The following AXL variants were observed in gnomAD, a reference collection of about 807,000 sequenced individuals.
AXL encodes the protein AXL receptor tyrosine kinase.
In AXL, 52 loss-of-function variants were observed where a neutral mutation model predicts 104.5. That is an observed-to-expected ratio of 0.50 (90% CI 0.40 to 0.63). The LOEUF is 0.63. AXL is among the 20% of genes least tolerant of loss of function. The pLI is 0.00. For missense variants in AXL, 1,024 were observed against 1,188.5 expected (o/e 0.86, Z 2.04); for synonymous variants, 455 against 473.7 (o/e 0.96, Z 0.51).
At chr19:41,244,934 ATTT>A (rs34355478) in intron 12 of AXL, among the ~76,000 whole-genome samples, 3 of 141,336 alleles carry the variant, frequency 2.1e-5, no homozygotes, top group Admixed American at 1.4e-4. Context: ...AGTCTATACT[ATTT>A]TTTTTTTTTT....
intron 12 of AXL, among the ~76,000 whole-genome samples, chr19:41,247,489 A>G (rs910101842): frequency 6.6e-6 from 1 of 152,104 alleles, no homozygotes; most frequent in Non-Finnish European, 1.5e-5. Flanking sequence ...GGCAACAGGA[A>G]CGAAACTCCA....
chr19:41,226,188 C>T (rs900151286), intron 4 of AXL, among the ~76,000 whole-genome samples: 4 of 152,136 alleles, frequency 2.6e-5, no homozygotes, highest in African/African-American at 9.7e-5. Context: ...GGAGGTGCCC[C>T]CGGTGACTCA....
intron 4 of AXL, among the ~76,000 whole-genome samples, chr19:41,222,664 T>G (rs989488245): frequency 6.6e-6 from 1 of 151,704 alleles, no homozygotes; most frequent in Non-Finnish European, 1.5e-5. Flanking sequence ...CCCAGCACTT[T>G]GGGAGGCTGA....
intron 4 of AXL, among the ~76,000 whole-genome samples, chr19:41,230,392 A>T (rs2033958969): frequency 7.2e-6 from 1 of 139,734 alleles, no homozygotes; most frequent in African/African-American, 2.7e-5. Flanking sequence ...TGTGTGTATG[A>T]GTGTGTGTCT....
At chr19:41,249,672 C>T (rs2034329589) in intron 14 of AXL, among the ~76,000 whole-genome samples, 1 of 151,932 alleles carries the variant, frequency 6.6e-6, no homozygotes, top group Admixed American at 6.6e-5. Flanking sequence ...AGGAGAATCG[C>T]TTGAACCTCA....
Position 41,253,735 on chromosome 19 carries a change from C to G in AXL, c.2036+27C>G, listed in dbSNP as rs199786659. On this transcript the variant is annotated intron_variant, in intron 17 of 19. Coordinates refer to ENST00000301178, the MANE Select transcript of AXL (RefSeq NM_021913.5). The stretch of plus-strand genomic sequence containing the variant: ...TGAGTGCCTTTCAGGGACCCCCCCC[C>G]CCCAACTGCTCCTGCACTCCCTGAG... The G allele has an allele frequency of 1.1e-4, 173 of 1,529,844 alleles. No individual in the cohort carries two copies. In the East Asian group the frequency reaches 2.0e-3, roughly 17 times the overall value. The allele number at this position is 1,529,844 out of a possible 1,614,324, so 94.8% of individuals were successfully genotyped here.
intron 4 of AXL, among the ~76,000 whole-genome samples, chr19:41,224,788 CTG>C (rs56885806): frequency 0.013 from 1,872 of 149,704 alleles, 46 homozygotes; most frequent in African/African-American, 0.041. Context: ...AGTCACAGAC[CTG>C]TGTGTGTGTG....
In AXL at chr19:41,239,298, G is replaced by A. The variant is rs577903200; in HGVS notation, c.1269G>A (p.Leu423=). The A allele has an allele frequency of 1.8e-5, 29 of 1,584,896 alleles. No homozygotes were observed. In the South Asian group the frequency reaches 3.1e-4, roughly 17 times the overall value. ...GACCCTGGAGCCTCCCAGTACCCCT[G>A]GAGGCCTGGCGCCCAGGTAAGTCCA... The part of the protein sequence containing the change: ...GDGPWSLPVP[L]EAWRPGQAQP... The change falls in exon 9 of 20, where the codon CTG becomes CTA. Residue 423 remains leucine (L), a synonymous_variant. Transcript: ENST00000301178.
At chr19:41,231,101 G>A (rs146774960) in intron 5 of AXL, 54 bp downstream of exon 5, 25 of 1,611,500 alleles carry the variant, frequency 1.6e-5, no homozygotes, top group East Asian at 1.1e-4. Flanking sequence ...GTTTGGGTCC[G>A]GGGTCAGAGT....
Position 41,221,040 on chromosome 19 carries a change from T to C in AXL, c.309-106T>C, listed in dbSNP as rs188929956. The C allele has an allele frequency of 1.9e-4, 230 of 1,218,306 alleles. 2 individuals carry two copies. The East Asian group carries it at 2.9e-3, about 16-fold the overall frequency. The allele number at this position is 1,218,306 out of a possible 1,614,324, so 75.5% of individuals were successfully genotyped here. A position where few individuals can be genotyped will look rare whatever the true frequency, so the allele number is the denominator to read the frequency against. ...GTTAATAATAGGACATACTTCGTGG[T>C]TGTCATGAGCTTCCAGACTGGACAC... On this transcript the variant is annotated intron_variant, in intron 2 of 19. Coordinates refer to ENST00000301178, the MANE Select transcript of AXL (RefSeq NM_021913.5).
At chr19:41,239,568 C>T in intron 9 of AXL, 126 bp from the exon 10 acceptor site, 2 of 1,331,134 alleles carry the variant, frequency 1.5e-6, no homozygotes, top group Non-Finnish European at 1.1e-6. Flanking sequence ...CCGTGCCAAA[C>T]CTTCACTCCC....
rs533084444 is a variant in AXL, at chr19:41,237,906, C to T, written c.784-38C>T. 7 of 1,587,474 alleles carry T rather than the reference C, an allele frequency of 4.4e-6. No homozygotes were observed. In the South Asian group the frequency reaches 6.6e-5, roughly 15 times the overall value. On this transcript the variant is annotated intron_variant, in intron 6 of 19. Transcript: ENST00000301178. ...GCTGTGTGACCATCTCGTGTGATTG[C>T]TTGGCTGTCCCGTCCTCACACCCTT...
rs1174124518 is a variant in AXL at position 41,242,827 on chromosome 19, C to G, written c.1313-56C>G. The G allele has an allele frequency of 8.1e-6, 13 of 1,606,622 alleles. 1 individual carries two copies. Among genetic ancestry groups the G allele is most frequent in the Middle Eastern group, 3.3e-4 (2 of 6,056 alleles). On this transcript the variant is annotated intron_variant, in intron 10 of 19. Coordinates refer to ENST00000301178, the MANE Select transcript of AXL (RefSeq NM_021913.5). The stretch of plus-strand genomic sequence containing the variant: ...CCCTCCCACATCACCCCTTTGGGTC[C>G]CAGAGAGCTGGATCCAAGGCTTCAT...
chr19:41,233,842 C>G (rs2034036151), intron 6 of AXL, among the ~76,000 whole-genome samples: 1 of 151,734 alleles, frequency 6.6e-6, no homozygotes, highest in African/African-American at 2.4e-5. Flanking sequence ...GCACTCTACC[C>G]ACATCACCAA....
intron 14 of AXL, among the ~76,000 whole-genome samples, chr19:41,251,215 A>C (rs1364327128): frequency 6.6e-6 from 1 of 152,032 alleles, no homozygotes; most frequent in Non-Finnish European, 1.5e-5. Flanking sequence ...AGGTGGGAGG[A>C]TCACTTGAGG....
chr19:41,222,490 G>A (rs1315959420), intron 4 of AXL, among the ~76,000 whole-genome samples: 1 of 151,986 alleles, frequency 6.6e-6, no homozygotes, highest in Non-Finnish European at 1.5e-5. Flanking sequence ...CCTCTCCTCC[G>A]CCTCCCTCCA....
At chr19:41,233,146 C>T (rs776167735) in intron 6 of AXL, among the ~76,000 whole-genome samples, 4 of 151,952 alleles carry the variant, frequency 2.6e-5, no homozygotes, top group Admixed American at 6.6e-5. Context: ...CCCACCACCA[C>T]GCCCAGCTAA....
In AXL at chr19:41,219,387, G is replaced by A; in HGVS notation, c.-6G>A. The A allele has an allele frequency of 3.1e-6, 5 of 1,588,910 alleles. No individual in the cohort carries two copies. Among genetic ancestry groups the A allele is most frequent in the Non-Finnish European group, 4.3e-6 (5 of 1,168,124 alleles). ...CCCAACAACTTCTGAGGAAAGTTTG[G>A]CACCCATGGCGTGGCGGTGCCCCAG... On this transcript the variant is annotated 5_prime_UTR_variant, in exon 1 of 20. Transcript: ENST00000301178.
Position 41,259,964 on chromosome 19 carries a change from A to T in AXL, c.*60A>T, listed in dbSNP as rs527521202. 96 of 1,432,290 alleles carry T rather than the reference A, an allele frequency of 6.7e-5. No individual in the cohort carries two copies. The South Asian group carries it at 1.3e-3, about 19-fold the overall frequency. The allele number at this position is 1,432,290 out of a possible 1,614,324, so 88.7% of individuals were successfully genotyped here. A position where few individuals can be genotyped will look rare whatever the true frequency, so the allele number is the denominator to read the frequency against. The stretch of plus-strand genomic sequence containing the variant: ...CAAGCTAAGCACTGCCACTGGGGAA[A>T]ACTCCACCTTCCCACTTTCCCACCC... On this transcript the variant is annotated 3_prime_UTR_variant, in exon 20 of 20. Transcript: ENST00000301178.
Sources: allele counts gnomAD v4.1 joint callset (sites outside exome capture counted in the v4.1 genomes callset), GRCh38; gene constraint gnomAD v4.1.1; transcripts MANE v1.5; gene names NCBI Gene and HGNC (gene_info 2026-07-23, HGNC 2026-07-21).